Variants in LAMA2 observed in about 807,000 individuals in gnomAD.
The protein encoded by LAMA2 is laminin subunit alpha 2, also known as laminin subunit alpha-2.
In LAMA2, 269 loss-of-function variants were observed where a neutral mutation model predicts 364.8. The ratio of observed to expected loss-of-function variants is 0.74; its 90% CI spans 0.67 to 0.82. The LOEUF (loss-of-function observed/expected upper bound fraction) is 0.82. LAMA2 is among the 40% of genes least tolerant of loss of function. LAMA2 has a pLI of 0.00. For missense variants in LAMA2, 3,807 were observed against 3,873.2 expected (o/e 0.98, Z 0.45); for synonymous variants, 1,379 against 1,370.6 (o/e 1.01, Z -0.14).
intron 52 of LAMA2, among the ~76,000 whole-genome samples, chr6:129,474,427 A>G (rs982831439): frequency 6.6e-6 from 1 of 152,172 alleles, no homozygotes; most frequent in Non-Finnish European, 1.5e-5. Flanking sequence ...TATTTGTGTT[A>G]GAAAAATAAA....
chr6:128,912,232 G>C (rs1161467519), intron 1 of LAMA2, among the ~76,000 whole-genome samples: 1 of 152,056 alleles, frequency 6.6e-6, no homozygotes, highest in Non-Finnish European at 1.5e-5. Flanking sequence ...CTAAATGAAG[G>C]CATGATCTTA....
chr6:129,154,772 C>T (rs1199881193), intron 8 of LAMA2, 89 bp downstream of exon 8: 9 of 1,057,544 alleles, frequency 8.5e-6, no homozygotes, highest in Non-Finnish European at 1.1e-5. Context: ...ATTTTGAAAG[C>T]TTCTGTAAAC....
intron 29 of LAMA2, among the ~76,000 whole-genome samples, chr6:129,332,502 A>G (rs147020807): frequency 1.6e-4 from 25 of 152,164 alleles, no homozygotes; most frequent in Non-Finnish European, 3.2e-4. Flanking sequence ...CACTATTTTA[A>G]TCTCTTCCAC....
intron 12 of LAMA2, among the ~76,000 whole-genome samples, chr6:129,219,129 G>C (rs570580064): frequency 6.6e-6 from 1 of 152,286 alleles, no homozygotes; most frequent in African/African-American, 2.4e-5. Context: ...CAGGAAGTAT[G>C]TGATCCATAG....
chr6:128,916,867 T>C (rs1270673607), intron 1 of LAMA2, among the ~76,000 whole-genome samples: 1 of 152,192 alleles, frequency 6.6e-6, no homozygotes, highest in African/African-American at 2.4e-5. Context: ...CTGTTTTAAC[T>C]GGAATGAATT....
At chr6:128,933,271 T>A (rs1779609539) in intron 1 of LAMA2, among the ~76,000 whole-genome samples, 1 of 151,944 alleles carries the variant, frequency 6.6e-6, no homozygotes, top group Non-Finnish European at 1.5e-5. Flanking sequence ...TGTGTCTGTG[T>A]GTCTGTGTAT....
chr6:128,963,593 C>T (rs1781667664), intron 1 of LAMA2, among the ~76,000 whole-genome samples: 1 of 152,022 alleles, frequency 6.6e-6, no homozygotes, highest in Admixed American at 6.6e-5. Context: ...ATCAAAAGAA[C>T]CTCAGCAAAA....
rs565395751 is a variant in LAMA2, at chr6:128,933,566, G to A, written c.112+50209G>A. On this transcript the variant is annotated intron_variant, in intron 1 of 64. Coordinates refer to ENST00000421865, the MANE Select transcript of LAMA2 (RefSeq NM_000426.4). ...AGTGTAGAAGGGTTTCTTTTTCTCT[G>A]TTTCCTCACCAACATGTGTTATCTT... Among the ~76,000 whole-genome samples the A allele has an allele frequency of 4.8e-4, 73 of 152,026 alleles. 1 individual carries two copies. Among genetic ancestry groups the A allele is most frequent in the African/African-American group, 1.7e-3 (71 of 41,480 alleles).
intron 45 of LAMA2, among the ~76,000 whole-genome samples, chr6:129,452,687 A>G (rs1166879054): frequency 2.0e-5 from 3 of 152,192 alleles, no homozygotes; most frequent in Non-Finnish European, 4.4e-5. Context: ...AAACGTTCCC[A>G]TATTGATAAT....
chr6:129,007,688 C>T (rs1366230617), intron 1 of LAMA2, among the ~76,000 whole-genome samples: 2 of 150,338 alleles, frequency 1.3e-5, no homozygotes, highest in Non-Finnish European at 2.9e-5. Flanking sequence ...CTTTTTTGTT[C>T]AGTATTTTCT....
rs766816598 is a variant in LAMA2 at position 129,492,461 on chromosome 6, C to T, written c.8222C>T (p.Thr2741Met). 1.4e-5 allele frequency: 22 copies of T among 1,611,360 alleles called. No individual in the cohort carries two copies. The highest frequency in any genetic ancestry group is 1.7e-4 in the Middle Eastern group (1 of 6,054). The change falls in exon 58 of 65, where the codon ACG (threonine) becomes ATG (methionine). Residue 2741 changes from threonine to methionine, a missense_variant. Coordinates refer to ENST00000421865, the MANE Select transcript of LAMA2 (RefSeq NM_000426.4). ...PEPVPTPAFPTPTPVLTHGPC... is the reference protein window; with the variant it reads ...PEPVPTPAFPMPTPVLTHGPC... ...CCAGTTCCCACCCCAGCCTTTCCTA[C>T]GCCCACCCCAGTTCTGACACATGTA...
intron 3 of LAMA2, among the ~76,000 whole-genome samples, chr6:129,094,626 T>G (rs990709857): frequency 4.6e-5 from 7 of 152,314 alleles, no homozygotes; most frequent in African/African-American, 1.7e-4. Context: ...AGTCTTATTT[T>G]TCTTAGTGGG....
intron 18 of LAMA2, among the ~76,000 whole-genome samples, chr6:129,283,383 G>A (rs1788871868): frequency 6.6e-6 from 1 of 152,034 alleles, no homozygotes; most frequent in African/African-American, 2.4e-5. Flanking sequence ...GAATAAGTTT[G>A]TAACCTCAGC....
At chr6:129,078,284 G>A (rs559787010) in intron 3 of LAMA2, among the ~76,000 whole-genome samples, 13 of 151,948 alleles carry the variant, frequency 8.6e-5, no homozygotes, top group South Asian at 8.3e-4. Flanking sequence ...ACAGGTGCGC[G>A]CCACTATACC....
At chr6:129,177,640 A>T in intron 9 of LAMA2, 66 bp from the exon 10 acceptor site, 1 of 1,524,600 alleles carries the variant, frequency 6.6e-7, no homozygotes, top group Non-Finnish European at 9.1e-7. Flanking sequence ...TACTGTCATT[A>T]AAACTTTAAC....
chr6:129,137,266 A>C (rs945225471), intron 4 of LAMA2, among the ~76,000 whole-genome samples: 1 of 152,104 alleles, frequency 6.6e-6, no homozygotes, highest in Non-Finnish European at 1.5e-5. Flanking sequence ...AAAAAAAAAA[A>C]AGACCTTTAT....
At chr6:129,184,742 G>A (rs962506287) in intron 10 of LAMA2, among the ~76,000 whole-genome samples, 55 of 151,792 alleles carry the variant, frequency 3.6e-4, no homozygotes, top group African/African-American at 1.3e-3. Context: ...GGGAATGGAG[G>A]CTAGTTCTTT....
intron 41 of LAMA2, among the ~76,000 whole-genome samples, chr6:129,438,423 G>A (rs1781939194): frequency 6.6e-6 from 1 of 151,802 alleles, no homozygotes; most frequent in African/African-American, 2.4e-5. Flanking sequence ...AGAAGAAAAT[G>A]TCATTGTTCA....
At chr6:128,913,398 GA>G (rs2114464540) in intron 1 of LAMA2, among the ~76,000 whole-genome samples, 1 of 152,068 alleles carries the variant, frequency 6.6e-6, no homozygotes, top group South Asian at 2.1e-4. Flanking sequence ...ACATTTCTAT[GA>G]AAAAAAGATC....
Sources: gnomAD v4.1 joint callset for allele counts (sites outside exome capture counted in the v4.1 genomes callset) on GRCh38, gnomAD v4.1.1 for gene constraint, MANE v1.5 for transcripts, NCBI Gene and HGNC (gene_info 2026-07-23, HGNC 2026-07-21) for gene names.